The following SIX4 variants were observed in gnomAD, a reference collection of about 807,000 sequenced individuals.
SIX4 encodes the protein homeobox protein SIX4.
SIX4 carries 23 observed loss-of-function variants against 51.5 expected under a neutral mutation model. The ratio of observed to expected loss-of-function variants is 0.45; its 90% confidence interval spans 0.32 to 0.63. SIX4 has a LOEUF of 0.63. Among genes scored for constraint, SIX4 ranks in the 30% least tolerant of loss-of-function variants. The pLI, the probability that SIX4 is intolerant of heterozygous loss-of-function variation, is 0.04. For missense variants in SIX4, 867 were observed against 984.0 expected, an observed-to-expected ratio of 0.88 and a Z score of 1.59; for synonymous variants, 413 against 417.3, an observed-to-expected ratio of 0.99 and a Z score of 0.13.
In SIX4 at chr14:60,719,933, T is replaced by C. The variant is rs760978242; in HGVS notation, c.1376A>G (p.Gln459Arg). Residue 459 changes from glutamine (Q) to arginine (R), a missense_variant, in exon 2 of 3, where the codon CAA (glutamine) becomes CGA (arginine). Gln to Arg is a conservative substitution (Grantham distance 43). Transcript: ENST00000216513. The surrounding 1 kb of genome is among the most constrained non-coding windows in gnomAD (Gnocchi z 4.9). The stretch of plus-strand genomic sequence containing the variant: ...CCCTCCATCTTGGGAAGCCACTGTT[T>C]GAATGCCTTCTCTTTTCACCTCAGT... The part of the protein sequence containing the change: ...PSTEVKREGI[Q>R]TVASQDGGSV... The C allele has an allele frequency of 1.2e-6, 2 of 1,614,102 alleles. No individual in the cohort carries two copies. Among genetic ancestry groups the C allele is most frequent in the East Asian group, 4.5e-5 (2 of 44,894 alleles).
At position 60,719,277 on chromosome 14, in the gene SIX4, C is replaced by T. The variant is rs17097760; in HGVS notation, c.1549+483G>A. Among the ~76,000 whole-genome samples, 2,803 of 152,276 alleles carry T rather than the reference C, an allele frequency of 0.018. 84 individuals carry two copies. Among genetic ancestry groups the T allele is most frequent in the African/African-American group, 0.064 (2,666 of 41,538 alleles). On this transcript the variant is annotated intron_variant, in intron 2 of 2. Coordinates refer to ENST00000216513, the MANE Select transcript of SIX4 (RefSeq NM_017420.5). The surrounding 1 kb of genome is among the most constrained non-coding windows in gnomAD (Gnocchi z 4.9). ...TGTTAGTCTTCATTATAGGAGGAAA[C>T]AGGATTCAAACATAATTGATCCGGT...
In SIX4 at chr14:60,710,199, T is replaced by C. The variant is rs745523726; in HGVS notation, c.*3208A>G. 6.6e-6 allele frequency: 1 copy of C among 152,640 alleles called. No individual in the cohort carries two copies. Among genetic ancestry groups the C allele is most frequent in the African/African-American group, 2.4e-5 (1 of 41,456 alleles). 9.5% of individuals were successfully genotyped at this position (152,640 alleles called of 1,614,324 possible). On this transcript the variant is annotated 3_prime_UTR_variant, in exon 3 of 3. Transcript: ENST00000216513. ...ATAATCCAACTTTTAACATGCAAGA[T>C]ACAAGGGCATACACAGAGAGATTTA...
rs1896043309 is a variant in SIX4 at position 60,722,610 on chromosome 14, TG to T, written c.863+601del. Among the ~76,000 whole-genome samples, 1 of 152,132 alleles carries T rather than the reference TG, an allele frequency of 6.6e-6. No homozygotes were observed. The highest frequency in any genetic ancestry group is 2.4e-5 in the African/African-American group (1 of 41,440). On this transcript the variant is annotated intron_variant, in intron 1 of 2. Coordinates refer to ENST00000216513, the MANE Select transcript of SIX4 (RefSeq NM_017420.5). This position sits in a 1 kb window ranked among gnomAD's most constrained non-coding sequence, Gnocchi z 5.9. ...AGGGTGAATGATTAACTCTGTCATATGAAACCTCGACGTTCCGAGACCCCTT... is the reference window on the plus strand; with the variant it reads ...AGGGTGAATGATTAACTCTGTCATATAAACCTCGACGTTCCGAGACCCCTT...
At chr14:60,718,962 G>A (rs1183687796) in intron 2 of SIX4, among the ~76,000 whole-genome samples, 1 of 152,000 alleles carries the variant, frequency 6.6e-6, no homozygotes, top group Admixed American at 6.6e-5. Flanking sequence ...TGAATTCAAG[G>A]GATTATGCAA....
chr14:60,723,396 C>T lies in SIX4; in HGVS notation c.679G>A (p.Val227Met), dbSNP rs879477760. ...CGCGACTTCTCCTTGAAACAATACA[C>T]CGTCTCCTCGCCGTCCCAGATGGTG... Reference protein sequence around the residue: ...PRTIWDGEETVYCFKEKSRNA... With the variant: ...PRTIWDGEETMYCFKEKSRNA... The change falls in exon 1 of 3, where the codon GTG becomes ATG. Residue 227 changes from valine (V) to methionine (M), a missense_variant. Val to Met is a conservative substitution (Grantham distance 21, BLOSUM62 1). Transcript: ENST00000216513. 1.2e-5 allele frequency: 19 copies of T among 1,611,728 alleles called. No homozygotes were observed. Among genetic ancestry groups the T allele is most frequent in the Non-Finnish European group, 1.6e-5 (19 of 1,179,974 alleles).
intron 2 of SIX4, among the ~76,000 whole-genome samples, chr14:60,716,773 T>C (rs1275372834): frequency 6.6e-6 from 1 of 152,214 alleles, no homozygotes; most frequent in Non-Finnish European, 1.5e-5. Context: ...TATTAGAATA[T>C]TGTGATTATA....
At chr14:60,715,672 A>T (rs138524438) in intron 2 of SIX4, among the ~76,000 whole-genome samples, 10 of 152,340 alleles carry the variant, frequency 6.6e-5, no homozygotes, top group East Asian at 1.9e-4. Flanking sequence ...TTCAAATCAG[A>T]TCACTTAGAC....
At chr14:60,716,866 AAAAAG>A (rs1457632798) in intron 2 of SIX4, among the ~76,000 whole-genome samples, 3 of 152,340 alleles carry the variant, frequency 2.0e-5, no homozygotes, top group African/African-American at 7.2e-5. Flanking sequence ...GTCTTCAAGT[AAAAAG>A]AAAACACTGC....
chr14:60,719,676 T>A lies in SIX4; in HGVS notation c.1549+84A>T. ...TAAGGTACCTGAACAGAAACATCAA[T>A]CTATAGCTATCACCAAATGCGTCAC... On this transcript the variant is annotated intron_variant, in intron 2 of 2. Transcript: ENST00000216513. This position sits in a 1 kb window ranked among gnomAD's most constrained non-coding sequence, Gnocchi z 4.9. 1 of 1,372,398 alleles carries A rather than the reference T, an allele frequency of 7.3e-7. No individual in the cohort carries two copies. Among genetic ancestry groups the A allele is most frequent in the East Asian group, 2.3e-5 (1 of 43,468 alleles). 85.0% of individuals were successfully genotyped at this position (1,372,398 alleles called of 1,614,324 possible). A position where few individuals can be genotyped will look rare whatever the true frequency, so the allele number is the denominator to read the frequency against.
intron 2 of SIX4, among the ~76,000 whole-genome samples, chr14:60,714,972 T>TAAA (rs11449594): frequency 1.0e-4 from 13 of 129,322 alleles, no homozygotes; most frequent in Admixed American, 3.3e-4. Context: ...GCCCTTTCTT[T>TAAA]AAAAAAAAAA....
At chr14:60,721,033 G>A (rs910438530) in intron 1 of SIX4, 12 of 985,646 alleles carry the variant, frequency 1.2e-5, no homozygotes, top group Admixed American at 1.2e-4. Flanking sequence ...TCAACAAAGT[G>A]GCTGTCCTTG....
Position 60,720,568 on chromosome 14 carries a change from G to A in SIX4, c.864-123C>T. 1 of 918,668 alleles carries A rather than the reference G, an allele frequency of 1.1e-6. No individual in the cohort carries two copies. The highest frequency in any genetic ancestry group is 1.6e-6 in the Non-Finnish European group (1 of 615,956). 56.9% of individuals were successfully genotyped at this position (918,668 alleles called of 1,614,324 possible). On this transcript the variant is annotated intron_variant, in intron 1 of 2. Transcript: ENST00000216513. This position sits in a 1 kb window ranked among gnomAD's most constrained non-coding sequence, Gnocchi z 5.5. ...GGCAGTATTTAAGGAAAGCACAGCA[G>A]GATATCTGCTAGTCCTATTTAAACT...
Position 60,723,903 on chromosome 14 carries a change from C to T in SIX4, c.172G>A (p.Ala58Thr), listed in dbSNP as rs1896087571. The part of the protein sequence containing the change: ...PAPFPLEPGD[A>T]ATAAARVSGE... ...CTCACCCTGGCGGCAGCGGTCGCGG[C>T]GTCCCCCGGCTCCAGGGGAAAAGGG... The change falls in exon 1 of 3, where the codon GCC becomes ACC. Residue 58 changes from alanine (A) to threonine (T), a missense_variant. Ala to Thr is a moderately conservative substitution (Grantham distance 58, BLOSUM62 0). Transcript: ENST00000216513. The T allele has an allele frequency of 1.3e-6, 2 of 1,519,354 alleles. No homozygotes were observed. Among genetic ancestry groups the T allele is most frequent in the African/African-American group, 1.4e-5 (1 of 69,640 alleles). 94.1% of individuals were successfully genotyped at this position (1,519,354 alleles called of 1,614,324 possible). A position where few individuals can be genotyped will look rare whatever the true frequency, so the allele number is the denominator to read the frequency against.
chr14:60,721,999 A>G (rs1324251080), intron 1 of SIX4, among the ~76,000 whole-genome samples: 2 of 152,198 alleles, frequency 1.3e-5, no homozygotes, highest in African/African-American at 4.8e-5. Context: ...GGACCCCCAC[A>G]GGGGCCCAGA....
Position 60,710,498 on chromosome 14 carries a change from C to A in SIX4, c.*2909G>T, listed in dbSNP as rs958103732. ...GATAGAGTGCATAGATAGGCTTACA[C>A]CAAAAATCCCACAGCCAGCAGCATG... On this transcript the variant is annotated 3_prime_UTR_variant, in exon 3 of 3. Coordinates refer to ENST00000216513, the MANE Select transcript of SIX4 (RefSeq NM_017420.5). The A allele has an allele frequency of 6.6e-6, 1 of 152,542 alleles. No individual in the cohort carries two copies. Among genetic ancestry groups the A allele is most frequent in the South Asian group, 2.1e-4 (1 of 4,814 alleles). The allele number at this position is 152,542 out of a possible 1,614,324, so 9.4% of individuals were successfully genotyped here.
rs1435883085 is a variant in SIX4 at position 60,712,661 on chromosome 14, A to T, written c.*746T>A. On this transcript the variant is annotated 3_prime_UTR_variant, in exon 3 of 3. Transcript: ENST00000216513. ...CCTGTTCAAACAATAAAAATAAATTAAACAGTAAGAAAACATATTTTTCAG... is the reference window on the plus strand; with the variant it reads ...CCTGTTCAAACAATAAAAATAAATTTAACAGTAAGAAAACATATTTTTCAG... 1 of 152,626 alleles carries T rather than the reference A, an allele frequency of 6.6e-6. No homozygotes were observed. The highest frequency in any genetic ancestry group is 1.5e-5 in the Non-Finnish European group (1 of 68,030). 9.5% of individuals were successfully genotyped at this position (152,626 alleles called of 1,614,324 possible).
Position 60,711,978 on chromosome 14 carries a change from TACA to T in SIX4, c.*1426_*1428del, listed in dbSNP as rs1444291118. The T allele has an allele frequency of 6.6e-6, 1 of 152,616 alleles. No homozygotes were observed. Among genetic ancestry groups the T allele is most frequent in the Admixed American group, 6.6e-5 (1 of 15,258 alleles). The allele number at this position is 152,616 out of a possible 1,614,324, so 9.5% of individuals were successfully genotyped here. ...TCTTGATAAAACTATAGCCACGGCT[TACA>T]ACATTATTAAACAAGCTTCTTACAG... On this transcript the variant is annotated 3_prime_UTR_variant, in exon 3 of 3. Transcript: ENST00000216513.
At position 60,710,211 on chromosome 14, in the gene SIX4, C is replaced by T. The variant is rs1895797207; in HGVS notation, c.*3196G>A. On this transcript the variant is annotated 3_prime_UTR_variant, in exon 3 of 3. Transcript: ENST00000216513. ...TTAACATGCAAGATACAAGGGCATA[C>T]ACAGAGAGATTTAAGGTCAGTGTGC... 6.6e-6 allele frequency: 1 copy of T among 152,614 alleles called. No individual in the cohort carries two copies. Among genetic ancestry groups the T allele is most frequent in the Non-Finnish European group, 1.5e-5 (1 of 68,034 alleles). The allele number at this position is 152,614 out of a possible 1,614,324, so 9.5% of individuals were successfully genotyped here.
In SIX4 at chr14:60,717,876, G is replaced by GT. The variant is rs1239214175; in HGVS notation, c.1549+1883dup. On this transcript the variant is annotated intron_variant, in intron 2 of 2. Coordinates refer to ENST00000216513, the MANE Select transcript of SIX4 (RefSeq NM_017420.5). The surrounding 1 kb of genome is among the most constrained non-coding windows in gnomAD (Gnocchi z 4.6). ...AACACACGAAGATTAGCCGGTCATG[G>GT]TGATGCACGCCTGTAGTCCCAGCTA... is the stretch of plus-strand genomic sequence containing the variant. 1 of 157,382 alleles carries GT rather than the reference G, an allele frequency of 6.4e-6. No homozygotes were observed. Among genetic ancestry groups the GT allele is most frequent in the East Asian group, 1.9e-4 (1 of 5,356 alleles). The allele number at this position is 157,382 out of a possible 1,614,324, so 9.7% of individuals were successfully genotyped here.
Sources: allele counts gnomAD v4.1 joint callset (sites outside exome capture counted in the v4.1 genomes callset), GRCh38; gene constraint gnomAD v4.1.1; non-coding constraint Gnocchi (gnomAD v3.1); transcripts MANE v1.5; gene names NCBI Gene and HGNC (gene_info 2026-07-23, HGNC 2026-07-21).